The following KCNJ6 variants were observed in gnomAD, a reference collection of about 807,000 sequenced individuals.
KCNJ6 encodes G protein-activated inward rectifier potassium channel 2.
Under a neutral mutation model 34.2 loss-of-function variants are expected in KCNJ6, and 9 were observed. That is an observed-to-expected ratio of 0.26 (90% CI 0.16 to 0.46). KCNJ6 has a LOEUF of 0.46. Among genes scored for constraint, KCNJ6 ranks in the 20% least tolerant of loss-of-function variants. The pLI, the probability that KCNJ6 is intolerant of heterozygous loss-of-function variation, is 1.00. For synonymous variants in KCNJ6, 196 were observed against 207.1 expected (o/e 0.95, Z 0.46); for missense variants, 236 against 531.3 (o/e 0.44, Z 5.46).
At chr21:37,880,119 C>T (rs911052165) in intron 1 of KCNJ6, among the ~76,000 whole-genome samples, 41 of 148,292 alleles carry the variant, frequency 2.8e-4, no homozygotes, top group Admixed American at 2.0e-3. Flanking sequence ...AAAAATTAGC[C>T]GAGTATGATT....
intron 1 of KCNJ6, among the ~76,000 whole-genome samples, chr21:37,900,320 C>T (rs1217084722): frequency 2.0e-5 from 3 of 152,144 alleles, no homozygotes; most frequent in Non-Finnish European, 4.4e-5. Context: ...TATAAATCCA[C>T]AGGAAGTATG....
intron 3 of KCNJ6, among the ~76,000 whole-genome samples, chr21:37,697,265 G>T (rs1014196142): frequency 1.3e-5 from 2 of 152,170 alleles, no homozygotes; most frequent in Admixed American, 1.3e-4. Context: ...AGCTAAACTG[G>T]TTTGAGGAGG....
At chr21:37,734,893 G>A (rs974646220) in intron 2 of KCNJ6, among the ~76,000 whole-genome samples, 1 of 152,034 alleles carries the variant, frequency 6.6e-6, no homozygotes, top group Admixed American at 6.6e-5. Context: ...GATAACCTAC[G>A]CACATCTTGG....
intron 3 of KCNJ6, among the ~76,000 whole-genome samples, chr21:37,670,234 T>C (rs534840622): frequency 2.0e-4 from 30 of 152,236 alleles, no homozygotes; most frequent in Non-Finnish European, 3.8e-4. Context: ...TCCATCCTTA[T>C]GCCTTATATT....
At chr21:37,778,156 A>G (rs1052069508) in intron 2 of KCNJ6, among the ~76,000 whole-genome samples, 15 of 152,196 alleles carry the variant, frequency 9.9e-5, no homozygotes, top group African/African-American at 3.4e-4. Context: ...TTATTTGAGC[A>G]GAAGCTATCT....
chr21:37,848,339 T>C (rs190654989), intron 1 of KCNJ6, among the ~76,000 whole-genome samples: 83 of 152,356 alleles, frequency 5.4e-4, no homozygotes, highest in African/African-American at 1.9e-3. Flanking sequence ...TCACCACTGA[T>C]ATACTCAGTT....
intron 2 of KCNJ6, among the ~76,000 whole-genome samples, chr21:37,813,390 G>A (rs922137092): frequency 6.6e-6 from 1 of 151,884 alleles, no homozygotes; most frequent in African/African-American, 2.4e-5. Context: ...ATTCTTCACA[G>A]AAATAAAAAA....
In KCNJ6 at chr21:37,818,564, T is replaced by C. The variant is rs151084131; in HGVS notation, c.25+22094A>G. On this transcript the variant is annotated intron_variant, in intron 2 of 3. Coordinates refer to ENST00000609713, the MANE Select transcript of KCNJ6 (RefSeq NM_002240.5). ...CCTCCCATGTCACTAAATGTAGGTC[T>C]CTATAGTAACCTACGATGCAATTTA... 1.7e-3 allele frequency among the ~76,000 whole-genome samples: 266 copies of C among 152,322 alleles called. 1 individual carries two copies. The highest frequency in any genetic ancestry group is 6.3e-3 in the African/African-American group (261 of 41,586).
chr21:37,643,749 C>G (rs2054391645), intron 3 of KCNJ6, among the ~76,000 whole-genome samples: 1 of 152,194 alleles, frequency 6.6e-6, no homozygotes, highest in African/African-American at 2.4e-5. Flanking sequence ...ACATTTGCAT[C>G]TGGGCAATTA....
chr21:37,823,616 C>G (rs958541042), intron 2 of KCNJ6, among the ~76,000 whole-genome samples: 4 of 152,208 alleles, frequency 2.6e-5, no homozygotes, highest in Non-Finnish European at 4.4e-5. Flanking sequence ...CACTCTTTCT[C>G]TCCTGCCGCC....
intron 2 of KCNJ6, among the ~76,000 whole-genome samples, chr21:37,779,940 T>G (rs985099320): frequency 6.6e-6 from 1 of 152,208 alleles, no homozygotes; most frequent in African/African-American, 2.4e-5. Context: ...ATGTGGAGAC[T>G]TTCTGTATCA....
intron 2 of KCNJ6, among the ~76,000 whole-genome samples, chr21:37,762,028 C>G (rs1208854753): frequency 6.6e-6 from 1 of 152,150 alleles, no homozygotes; most frequent in East Asian, 1.9e-4. Context: ...GGCCAGGAGT[C>G]TTTTAGCTCC....
In KCNJ6 at chr21:37,607,812, A is replaced by G. The variant is rs2054229490; in HGVS notation, c.*17347T>C. The G allele has an allele frequency of 6.6e-6, 1 of 152,140 alleles. No homozygotes were observed. The highest frequency in any genetic ancestry group is 6.5e-5 in the Admixed American group (1 of 15,282). The allele number at this position is 152,140 out of a possible 1,614,324, so 9.4% of individuals were successfully genotyped here. On this transcript the variant is annotated 3_prime_UTR_variant, in exon 4 of 4. Coordinates refer to ENST00000609713, the MANE Select transcript of KCNJ6 (RefSeq NM_002240.5). ...CTTGTTTTCTTTCTGTTCATCCCTA[A>G]AGGATCATTGGTTTTGCTTGGAGAA...
At chr21:37,800,345 C>A (rs948432900) in intron 2 of KCNJ6, among the ~76,000 whole-genome samples, 1 of 152,122 alleles carries the variant, frequency 6.6e-6, no homozygotes, top group Non-Finnish European at 1.5e-5. Flanking sequence ...AAAATAGGGA[C>A]CCAAACTTTA....
intron 3 of KCNJ6, among the ~76,000 whole-genome samples, chr21:37,666,964 A>G (rs2054516543): frequency 6.6e-6 from 1 of 150,998 alleles, no homozygotes; most frequent in Non-Finnish European, 1.5e-5. Flanking sequence ...ATACTCGTTA[A>G]GAGTCATCAC....
At position 37,613,085 on chromosome 21, in the gene KCNJ6, A is replaced by C. The variant is rs981644408; in HGVS notation, c.*12074T>G. 1.3e-5 allele frequency: 2 copies of C among 149,908 alleles called. No homozygotes were observed. Among genetic ancestry groups the C allele is most frequent in the Admixed American group, 6.7e-5 (1 of 15,020 alleles). The allele number at this position is 149,908 out of a possible 1,614,324, so 9.3% of individuals were successfully genotyped here. A position where few individuals can be genotyped will look rare whatever the true frequency, so the allele number is the denominator to read the frequency against. ...CTAAAATTTACAAAGAACTTTAACA[A>C]ATCAACAATAAGAAAACAACCCGAT... On this transcript the variant is annotated 3_prime_UTR_variant, in exon 4 of 4. Coordinates refer to ENST00000609713, the MANE Select transcript of KCNJ6 (RefSeq NM_002240.5).
intron 2 of KCNJ6, among the ~76,000 whole-genome samples, chr21:37,737,276 T>C (rs2054918050): frequency 6.6e-6 from 1 of 152,212 alleles, no homozygotes; most frequent in Non-Finnish European, 1.5e-5. Flanking sequence ...TTTGTGCTTA[T>C]CAGTCATTTA....
At chr21:37,853,217 C>G (rs557894684) in intron 1 of KCNJ6, among the ~76,000 whole-genome samples, 1 of 148,776 alleles carries the variant, frequency 6.7e-6, no homozygotes, top group East Asian at 2.0e-4. Flanking sequence ...CAAGGTAATT[C>G]ACTCAGAGAC....
intron 2 of KCNJ6, among the ~76,000 whole-genome samples, chr21:37,832,818 C>T (rs1331848970): frequency 6.6e-6 from 1 of 152,098 alleles, no homozygotes; most frequent in Non-Finnish European, 1.5e-5. Context: ...ATTTCTCTCC[C>T]TCTTCTTGGC....
Sources: allele counts gnomAD v4.1 joint callset (sites outside exome capture counted in the v4.1 genomes callset), GRCh38; gene constraint gnomAD v4.1.1; transcripts MANE v1.5; gene names NCBI Gene and HGNC (gene_info 2026-07-23, HGNC 2026-07-21).